Variants in PLXNA4 observed in about 807,000 individuals in gnomAD.
PLXNA4 encodes the protein plexin A4.
In PLXNA4, 44 loss-of-function variants were observed where a neutral mutation model predicts 191.8. The observed-to-expected ratio is 0.23, with a 90% CI of 0.18 to 0.29. The LOEUF is 0.29. PLXNA4 is among the 10% of genes least tolerant of loss of function. PLXNA4 has a pLI of 1.00. For synonymous variants in PLXNA4, 1,082 were observed against 1,009.5 expected (o/e 1.07, Z -1.36); for missense variants, 1,800 against 2,488.8 (o/e 0.72, Z 5.89).
intron 3 of PLXNA4, among the ~76,000 whole-genome samples, chr7:132,396,723 C>T (rs536381114): frequency 1.3e-5 from 2 of 152,362 alleles, no homozygotes; most frequent in East Asian, 3.9e-4. Context: ...AACTCTTGGC[C>T]TCAAGTGATC....
chr7:132,559,346 A>G (rs1800932594), intron 1 of PLXNA4, among the ~76,000 whole-genome samples: 1 of 152,206 alleles, frequency 6.6e-6, no homozygotes, highest in African/African-American at 2.4e-5. Context: ...CCCAAAGCAC[A>G]AGACAATTTT....
chr7:132,446,029 C>T (rs1166729910), intron 3 of PLXNA4, among the ~76,000 whole-genome samples: 1 of 152,132 alleles, frequency 6.6e-6, no homozygotes, highest in Non-Finnish European at 1.5e-5. Context: ...TTAACACAAG[C>T]CCAGGAGCCC....
chr7:132,167,877 G>A (rs776203872), intron 22 of PLXNA4, among the ~76,000 whole-genome samples: 23 of 152,150 alleles, frequency 1.5e-4, no homozygotes, highest in Non-Finnish European at 2.6e-4. Flanking sequence ...ACAAGCTCCA[G>A]TGTGCTCCCG....
intron 1 of PLXNA4, among the ~76,000 whole-genome samples, chr7:132,560,968 TG>T (rs1429726034): frequency 2.0e-5 from 3 of 152,158 alleles, no homozygotes; most frequent in Non-Finnish European, 4.4e-5. Flanking sequence ...GTTCTCCACG[TG>T]GCCCCCGCTG....
chr7:132,628,192 C>T (rs910913707), intron 2 of PLXNA4, among the ~76,000 whole-genome samples: 3 of 152,162 alleles, frequency 2.0e-5, no homozygotes, highest in African/African-American at 7.2e-5. Flanking sequence ...ATTTGAGGTA[C>T]TTTGGTTGGA....
upstream of PLXNA4, chr7:132,577,417 C>T (rs1264157418): frequency 4.6e-5 from 7 of 150,800 alleles, no homozygotes; most frequent in Admixed American, 4.6e-4. Flanking sequence ...CCTCCCTCGC[C>T]TCGCCTCCTC....
chr7:132,168,357 G>A lies in PLXNA4; in HGVS notation c.4233C>T (p.Asp1411=), dbSNP rs1227638457. Residue 1411 remains aspartate (D), a synonymous_variant, in exon 22 of 32, where the codon GAC becomes GAT. Coordinates refer to ENST00000321063, the MANE Select transcript of PLXNA4 (RefSeq NM_020911.2). ...TGCTCTCCAGGTTCTTGTCAATGAGGTCGGCCAGCAGCTGCTTCAGCACAT... is the reference window on the plus strand; with the variant it reads ...TGCTCTCCAGGTTCTTGTCAATGAGATCGGCCAGCAGCTGCTTCAGCACAT... ...ATDVLKQLLA[D]LIDKNLESKN... is the part of the protein sequence containing the mutation. 2 of 1,605,690 alleles carry A rather than the reference G, an allele frequency of 1.2e-6. No individual in the cohort carries two copies. Among genetic ancestry groups the A allele is most frequent in the Admixed American group, 3.4e-5 (2 of 59,628 alleles).
intron 2 of PLXNA4, among the ~76,000 whole-genome samples, chr7:132,492,961 T>C (rs1436578843): frequency 6.6e-6 from 1 of 152,186 alleles, no homozygotes; most frequent in African/African-American, 2.4e-5. Context: ...AAACACAGTA[T>C]GCATTGCTGG....
chr7:132,185,245 G>A (rs570356906), intron 16 of PLXNA4, 54 bp downstream of exon 16: 17 of 1,555,518 alleles, frequency 1.1e-5, no homozygotes, highest in South Asian at 8.6e-5. Context: ...TCAAGAGTCA[G>A]GGAAGGGAAA....
At position 132,251,651 on chromosome 7, in the gene PLXNA4, C is replaced by CA. The variant is rs201219799; in HGVS notation, c.1504-10486dup. On this transcript the variant is annotated intron_variant, in intron 4 of 31. Transcript: ENST00000321063. Reference sequence around the variant, plus strand: ...AGCAATGCTCTGGCTGTTCAAACCACAAAAAAACAGTGTGTGTAAATGATA... The same window carrying CA: ...AGCAATGCTCTGGCTGTTCAAACCACAAAAAAAACAGTGTGTGTAAATGATA... Among the ~76,000 whole-genome samples, 418 of 152,182 alleles carry CA rather than the reference C, an allele frequency of 2.7e-3. 2 individuals are homozygous for CA. Among genetic ancestry groups the CA allele is most frequent in the African/African-American group, 9.5e-3 (396 of 41,528 alleles).
At chr7:132,244,470 T>A (rs748298543) in intron 4 of PLXNA4, among the ~76,000 whole-genome samples, 2 of 152,218 alleles carry the variant, frequency 1.3e-5, no homozygotes, top group Non-Finnish European at 2.9e-5. Flanking sequence ...ATATTTCTAT[T>A]TATGATTTAA....
At position 132,457,638 on chromosome 7, in the gene PLXNA4, G is replaced by A. The variant is rs375505638; in HGVS notation, c.1371+31654C>T. Among the ~76,000 whole-genome samples the A allele has an allele frequency of 2.7e-4, 41 of 152,336 alleles. 2 individuals carry two copies. Among genetic ancestry groups the A allele is most frequent in the African/African-American group, 9.9e-4 (41 of 41,586 alleles). ...TTCTAGAGCAAGAGACTTTGCATAT[G>A]TGATTGAGTTGAGGACCTTGAGATG... On this transcript the variant is annotated intron_variant, in intron 3 of 31. Coordinates refer to ENST00000321063, the MANE Select transcript of PLXNA4 (RefSeq NM_020911.2).
chr7:132,162,591 G>A (rs987020856), intron 24 of PLXNA4, among the ~76,000 whole-genome samples: 3 of 152,168 alleles, frequency 2.0e-5, no homozygotes, highest in South Asian at 2.1e-4. Flanking sequence ...CATTTACGCA[G>A]TACTTCTATC....
At chr7:132,351,983 C>A (rs914202963) in intron 3 of PLXNA4, among the ~76,000 whole-genome samples, 1 of 152,198 alleles carries the variant, frequency 6.6e-6, no homozygotes, top group Non-Finnish European at 1.5e-5. Flanking sequence ...ACAGGGCTTT[C>A]CACTTACAGA....
chr7:132,489,418 C>T lies in PLXNA4; in HGVS notation c.1245G>A (p.Val415=). The T allele has an allele frequency of 2.5e-6, 4 of 1,603,252 alleles. No individual in the cohort carries two copies. Among genetic ancestry groups the T allele is most frequent in the Non-Finnish European group, 3.4e-6 (4 of 1,170,840 alleles). ...CGGGAATTCCACGCACCATGTCGGACACTCCCAGGGGAGCATTCATGTCCA... is the reference window on the plus strand; with the variant it reads ...CGGGAATTCCACGCACCATGTCGGATACTCCCAGGGGAGCATTCATGTCCA... The part of the protein sequence containing the change: ...CGLDMNAPLG[V]SDMVRGIPVF... Residue 415 remains valine, a synonymous_variant, in exon 3 of 32, where the codon GTG becomes GTA. Transcript: ENST00000321063.
At chr7:132,412,155 C>T (rs1002198191) in intron 3 of PLXNA4, among the ~76,000 whole-genome samples, 2 of 152,156 alleles carry the variant, frequency 1.3e-5, no homozygotes, top group Non-Finnish European at 2.9e-5. Context: ...TCTGAGTAGA[C>T]CCCCAAAACT....
intron 3 of PLXNA4, among the ~76,000 whole-genome samples, chr7:132,311,062 A>G (rs1481234967): frequency 6.6e-6 from 1 of 152,174 alleles, no homozygotes; most frequent in Non-Finnish European, 1.5e-5. Flanking sequence ...GTGCATTTGC[A>G]AAGCCCTAGA....
chr7:132,336,080 TA>T (rs1328756499), intron 3 of PLXNA4, among the ~76,000 whole-genome samples: 1 of 152,192 alleles, frequency 6.6e-6, no homozygotes, highest in African/African-American at 2.4e-5. Flanking sequence ...CTGCTTGCCC[TA>T]CCATGGATGG....
At chr7:132,227,024 G>C (rs1157774010) in intron 7 of PLXNA4, among the ~76,000 whole-genome samples, 1 of 152,130 alleles carries the variant, frequency 6.6e-6, no homozygotes, top group South Asian at 2.1e-4. Flanking sequence ...GGGGAGACCC[G>C]GTAGGGCAGA....
Sources: gnomAD v4.1 joint callset for allele counts (sites outside exome capture counted in the v4.1 genomes callset) on GRCh38, gnomAD v4.1.1 for gene constraint, MANE v1.5 for transcripts, NCBI Gene and HGNC (gene_info 2026-07-23, HGNC 2026-07-21) for gene names.